SNTG1: variants seen among roughly 807,000 people sequenced by gnomAD.
SNTG1 encodes the protein syntrophin gamma 1.
Under a neutral mutation model 74.7 loss-of-function variants are expected in SNTG1, and 39 were observed. That is an observed-to-expected ratio of 0.52 (90% CI 0.40 to 0.68). The LOEUF (loss-of-function observed/expected upper bound fraction) is 0.68, where lower values mean the gene tolerates loss of function less well. SNTG1 is among the 30% of genes least tolerant of loss of function. SNTG1 has a pLI of 0.00. For synonymous variants in SNTG1, 254 were observed against 217.1 expected (o/e 1.17, Z -1.49); for missense variants, 685 against 609.5 (o/e 1.12, Z -1.30).
intron 11 of SNTG1, among the ~76,000 whole-genome samples, chr8:50,544,489 A>T (rs1455283091): frequency 6.6e-6 from 1 of 152,048 alleles, no homozygotes; most frequent in East Asian, 1.9e-4. Context: ...AAGAGAATGT[A>T]TATTTTTTAA....
upstream of SNTG1, among the ~76,000 whole-genome samples, chr8:49,910,307 C>CCACA (rs1051521867): frequency 6.6e-6 from 1 of 152,016 alleles, no homozygotes; most frequent in African/African-American, 2.4e-5. Flanking sequence ...CCCGTCCCCA[C>CCACA]CACACACACC....
chr8:50,260,956 G>T (rs2087162709), intron 2 of SNTG1, among the ~76,000 whole-genome samples: 1 of 151,912 alleles, frequency 6.6e-6, no homozygotes, highest in Non-Finnish European at 1.5e-5. Flanking sequence ...GAAAGAGAGA[G>T]AAAAAAAGGA....
chr8:50,173,121 C>T (rs16914376), intron 2 of SNTG1, among the ~76,000 whole-genome samples: 44,942 of 151,956 alleles, frequency 0.3, 6,751 homozygotes, highest in South Asian at 0.43. Context: ...TAAACTGTCA[C>T]GTTCTCTTTT....
At chr8:50,173,962 A>G (rs759162086) in intron 2 of SNTG1, among the ~76,000 whole-genome samples, 1 of 152,092 alleles carries the variant, frequency 6.6e-6, no homozygotes, top group Non-Finnish European at 1.5e-5. Context: ...TGCAGTAGGT[A>G]TTTGTCCTAA....
chr8:50,247,049 C>T (rs1268763894), intron 2 of SNTG1, among the ~76,000 whole-genome samples: 1 of 152,136 alleles, frequency 6.6e-6, no homozygotes, highest in African/African-American at 2.4e-5. Context: ...GTTTGCTTAC[C>T]TTTAATTTTT....
intron 2 of SNTG1, among the ~76,000 whole-genome samples, chr8:50,175,206 A>C (rs920264404): frequency 6.6e-6 from 1 of 152,116 alleles, no homozygotes; most frequent in Non-Finnish European, 1.5e-5. Flanking sequence ...AGCATGATTT[A>C]TAGTCCTTTG....
At chr8:49,951,260 A>G (rs1222971003) in intron 1 of SNTG1, among the ~76,000 whole-genome samples, 2 of 152,226 alleles carry the variant, frequency 1.3e-5, no homozygotes, top group African/African-American at 4.8e-5. Context: ...GTGAAAAGGG[A>G]AATAATCAGT....
intron 2 of SNTG1, among the ~76,000 whole-genome samples, chr8:50,254,011 G>A (rs567424229): frequency 2.8e-4 from 42 of 151,956 alleles, no homozygotes; most frequent in African/African-American, 1.0e-3. Flanking sequence ...TTAACAGTAA[G>A]GTATTATATA....
intron 1 of SNTG1, among the ~76,000 whole-genome samples, chr8:50,036,446 A>G (rs1342352692): frequency 2.0e-5 from 3 of 152,200 alleles, no homozygotes; most frequent in Non-Finnish European, 4.4e-5. Context: ...CAGCATAGAT[A>G]GCCTTCTTCC....
intron 8 of SNTG1, among the ~76,000 whole-genome samples, chr8:50,487,155 T>C: frequency 6.6e-6 from 1 of 152,072 alleles, no homozygotes; most frequent in Non-Finnish European, 1.5e-5. Flanking sequence ...CTCACACCAG[T>C]TAGAATGGCA....
intron 2 of SNTG1, among the ~76,000 whole-genome samples, chr8:50,343,241 C>T (rs575286922): frequency 6.6e-5 from 10 of 152,238 alleles, no homozygotes; most frequent in South Asian, 2.1e-4. Context: ...TAGGTAAGAA[C>T]GACCATCAGC....
chr8:50,011,996 C>T (rs1585887525), intron 1 of SNTG1: 1 of 152,238 alleles, frequency 6.6e-6, no homozygotes, highest in South Asian at 2.1e-4. Context: ...GCCCACAAAA[C>T]ATTCCTCAAG....
At chr8:50,553,425 A>T (rs541506738) in intron 12 of SNTG1, among the ~76,000 whole-genome samples, 1 of 152,208 alleles carries the variant, frequency 6.6e-6, no homozygotes, top group Non-Finnish European at 1.5e-5. Context: ...AATGAAAATA[A>T]CTAGTTAGCA....
chr8:50,381,618 T>TTATATATATATATCCTATTAGTTATATA (rs2092482726), intron 2 of SNTG1, among the ~76,000 whole-genome samples: 1 of 132,336 alleles, frequency 7.6e-6, no homozygotes, highest in Admixed American at 8.1e-5. Flanking sequence ...CTCCTATTAG[T>TTATATATATATATCCTATTAGTTATATA]TATATATATA....
intron 2 of SNTG1, among the ~76,000 whole-genome samples, chr8:50,295,342 A>G (rs2089311862): frequency 6.6e-6 from 1 of 152,232 alleles, no homozygotes; most frequent in Admixed American, 6.5e-5. Flanking sequence ...AAACATTCAT[A>G]ATACTTCTAT....
chr8:50,645,497 G>A (rs1473185827), intron 13 of SNTG1, among the ~76,000 whole-genome samples: 1 of 151,604 alleles, frequency 6.6e-6, no homozygotes, highest in Non-Finnish European at 1.5e-5. Context: ...TTTTTAAGTT[G>A]TATTCTTATC....
intron 1 of SNTG1, among the ~76,000 whole-genome samples, chr8:50,141,834 A>T (rs2081667742): frequency 6.6e-6 from 1 of 152,160 alleles, no homozygotes; most frequent in Non-Finnish European, 1.5e-5. Context: ...TTAAGGTTTC[A>T]TAATGCATAA....
chr8:50,617,551 A>C lies in SNTG1; in HGVS notation c.849+26634A>C, dbSNP rs374787796. 2.2e-4 allele frequency among the ~76,000 whole-genome samples: 33 copies of C among 152,334 alleles called. 1 individual carries two copies. The highest frequency in any genetic ancestry group is 7.2e-4 in the African/African-American group (30 of 41,576). ...TTGTACTCTTGAAGCAGAATGAGCCACAGACAAAACTCCTCAGACACCAAG... is the reference window on the plus strand; with the variant it reads ...TTGTACTCTTGAAGCAGAATGAGCCCCAGACAAAACTCCTCAGACACCAAG... On this transcript the variant is annotated intron_variant, in intron 13 of 18. Transcript: ENST00000642720.
At chr8:50,107,008 T>C (rs2080398225) in intron 1 of SNTG1, among the ~76,000 whole-genome samples, 1 of 152,158 alleles carries the variant, frequency 6.6e-6, no homozygotes, top group Non-Finnish European at 1.5e-5. Flanking sequence ...ATAGGAAATA[T>C]GTTGCCTGCT....
Sources: allele counts gnomAD v4.1 joint callset (sites outside exome capture counted in the v4.1 genomes callset), GRCh38; gene constraint gnomAD v4.1.1; transcripts MANE v1.5; gene names NCBI Gene and HGNC (gene_info 2026-07-23, HGNC 2026-07-21).